The following RBFOX1 variants were observed in gnomAD, a reference collection of about 807,000 sequenced individuals.
RBFOX1 encodes the protein RNA binding fox-1 homolog 1, also known as RNA binding protein fox-1 homolog 1.
A neutral mutation model predicts 57.7 loss-of-function variants in RBFOX1; 8 were observed. The observed-to-expected ratio is 0.14, with a 90% CI of 0.08 to 0.25. RBFOX1 has a LOEUF of 0.25. Among genes scored for constraint, RBFOX1 ranks in the 10% least tolerant of loss-of-function variants. RBFOX1 has a pLI of 1.00. For missense variants in RBFOX1, 611 were observed against 548.5 expected, an observed-to-expected ratio of 1.11 and a Z score of -1.14; for synonymous variants, 326 against 222.4, an observed-to-expected ratio of 1.47 and a Z score of -4.15.
At chr16:6,208,580 G>A (rs189406202) in intron 1 of RBFOX1, among the ~76,000 whole-genome samples, 3 of 152,304 alleles carry the variant, frequency 2.0e-5, no homozygotes, top group Admixed American at 6.5e-5. Flanking sequence ...AGTGCCTGAT[G>A]TAGATCAATC....
At chr16:6,436,019 C>A (rs990279680) in intron 2 of RBFOX1, among the ~76,000 whole-genome samples, 2 of 152,028 alleles carry the variant, frequency 1.3e-5, no homozygotes, top group Non-Finnish European at 2.9e-5. Context: ...AGTTAAAAGT[C>A]AAGTTAGAAA....
chr16:6,253,699 G>GTGTGTGTGTA (rs71145205), intron 1 of RBFOX1, among the ~76,000 whole-genome samples: 7,364 of 142,378 alleles, frequency 0.052, 233 homozygotes, highest in Non-Finnish European at 0.081. Context: ...GTGTGTGTGT[G>GTGTGTGTGTA]TATATATATA....
In RBFOX1 at chr16:5,379,659, C is replaced by T. The variant is rs529946806; in HGVS notation, c.220-87557C>T. Among the ~76,000 whole-genome samples, 5 of 152,230 alleles carry T rather than the reference C, an allele frequency of 3.3e-5. No homozygotes were observed. The East Asian group carries it at 7.7e-4, about 24-fold the overall frequency. Reference sequence around the variant, plus strand: ...GCTCCAGCCACCAAATCTGAGAAACCAACTGGACCAGATAGATCAGTGGTT... The same window carrying T: ...GCTCCAGCCACCAAATCTGAGAAACTAACTGGACCAGATAGATCAGTGGTT... On this transcript the variant is annotated intron_variant, in intron 1 of 2. Transcript: ENST00000585867.
At chr16:5,882,470 C>T (rs1238179632) in intron 4 of RBFOX1, among the ~76,000 whole-genome samples, 1 of 152,130 alleles carries the variant, frequency 6.6e-6, no homozygotes, top group East Asian at 1.9e-4. Flanking sequence ...GCAAGGGTGC[C>T]TGGGAAATGT....
At chr16:5,764,159 G>A (rs2053690973) in intron 3 of RBFOX1, among the ~76,000 whole-genome samples, 1 of 152,156 alleles carries the variant, frequency 6.6e-6, no homozygotes, top group Admixed American at 6.5e-5. Flanking sequence ...GGTGTGGGTA[G>A]GATGATTGCA....
chr16:5,501,535 C>G (rs1049290670), intron 2 of RBFOX1, among the ~76,000 whole-genome samples: 2 of 151,884 alleles, frequency 1.3e-5, no homozygotes, highest in African/African-American at 4.8e-5. Context: ...GATTCAAATC[C>G]AAGGCTGGCT....
chr16:5,492,208 A>C (rs1597284177), intron 2 of RBFOX1, among the ~76,000 whole-genome samples: 1 of 152,354 alleles, frequency 6.6e-6, no homozygotes, highest in South Asian at 2.1e-4. Flanking sequence ...TCCTCTCTGC[A>C]GATACAGAGG....
chr16:6,109,888 T>G (rs2096424544), intron 1 of RBFOX1, among the ~76,000 whole-genome samples: 1 of 152,204 alleles, frequency 6.6e-6, no homozygotes, highest in Non-Finnish European at 1.5e-5. Context: ...GCAGAAATCT[T>G]GTTGAACTGA....
At chr16:7,162,273 C>G (rs2078485708) in intron 4 of RBFOX1, among the ~76,000 whole-genome samples, 1 of 152,114 alleles carries the variant, frequency 6.6e-6, no homozygotes, top group Admixed American at 6.5e-5. Context: ...TTTCCTCTCT[C>G]TCCATATGTA....
intron 2 of RBFOX1, among the ~76,000 whole-genome samples, chr16:5,541,157 G>A (rs1043724561): frequency 3.9e-5 from 6 of 152,084 alleles, no homozygotes; most frequent in African/African-American, 1.2e-4. Flanking sequence ...GCCTGAATCT[G>A]CATTTTTAAG....
chr16:5,374,531 CAG>C (rs2065938959), intron 1 of RBFOX1, among the ~76,000 whole-genome samples: 1 of 152,062 alleles, frequency 6.6e-6, no homozygotes, highest in Non-Finnish European at 1.5e-5. Flanking sequence ...GGAAGAATCA[CAG>C]GGAGTGGGAA....
chr16:6,985,839 A>AAAAAAAAC (rs2090125855), intron 3 of RBFOX1, among the ~76,000 whole-genome samples: 2 of 122,716 alleles, frequency 1.6e-5, no homozygotes, highest in African/African-American at 5.1e-5. Flanking sequence ...ATGTAAAAAA[A>AAAAAAAAC]AAAAAAAACA....
At position 5,487,165 on chromosome 16, in the gene RBFOX1, T is replaced by G. The variant is rs374443879; in HGVS notation, c.258+19911T>G. The stretch of plus-strand genomic sequence containing the variant: ...CCTATTCTGTGCTATCCAAGCTCCT[T>G]GTGTTTTTCTTCCTGGGACCCATTA... On this transcript the variant is annotated intron_variant, in intron 2 of 2. Transcript: ENST00000585867. Among the ~76,000 whole-genome samples the G allele has an allele frequency of 1.1e-4, 16 of 152,200 alleles. 1 individual carries two copies. Among genetic ancestry groups the G allele is most frequent in the Admixed American group, 7.9e-4 (12 of 15,280 alleles).
chr16:7,644,758 A>T (rs2063439281), intron 11 of RBFOX1, among the ~76,000 whole-genome samples: 1 of 152,252 alleles, frequency 6.6e-6, no homozygotes, highest in African/African-American at 2.4e-5. Flanking sequence ...CTCAGGTGAT[A>T]AGAAACTAAT....
chr16:6,795,169 T>G (rs1199466192), intron 3 of RBFOX1, among the ~76,000 whole-genome samples: 1 of 152,168 alleles, frequency 6.6e-6, no homozygotes, highest in Non-Finnish European at 1.5e-5. Context: ...ACCAGATATT[T>G]CATAGTGCTA....
intron 3 of RBFOX1, among the ~76,000 whole-genome samples, chr16:6,700,432 C>T (rs574153562): frequency 5.9e-5 from 9 of 151,858 alleles, no homozygotes; most frequent in East Asian, 1.9e-4. Context: ...CCGAAGCAGG[C>T]GGATCACCTG....
At chr16:7,333,463 G>C (rs969201773) in intron 4 of RBFOX1, among the ~76,000 whole-genome samples, 4 of 152,162 alleles carry the variant, frequency 2.6e-5, no homozygotes, top group African/African-American at 9.7e-5. Flanking sequence ...TCAGTTAAGA[G>C]CTTTAACCCA....
intron 4 of RBFOX1, among the ~76,000 whole-genome samples, chr16:5,921,210 G>C (rs1395340348): frequency 6.6e-6 from 1 of 152,188 alleles, no homozygotes; most frequent in Non-Finnish European, 1.5e-5. Context: ...AAGAGTTCTG[G>C]TCCCATTCTA....
At chr16:5,577,978 A>C (rs200577871) in intron 2 of RBFOX1, among the ~76,000 whole-genome samples, 1 of 2,660 alleles carries the variant, frequency 3.8e-4, no homozygotes, top group African/African-American at 9.2e-4. Context: ...TTTGAGACAG[A>C]GTCTCTCTCT....
Sources: allele counts gnomAD v4.1 joint callset (sites outside exome capture counted in the v4.1 genomes callset), GRCh38; gene constraint gnomAD v4.1.1; transcripts MANE v1.5; gene names NCBI Gene and HGNC (gene_info 2026-07-23, HGNC 2026-07-21).